CTNNA3: variants seen among roughly 807,000 people sequenced by gnomAD.
CTNNA3 encodes catenin alpha 3, also known as catenin alpha-3.
CTNNA3 carries 76 observed loss-of-function variants against 95.7 expected under a neutral mutation model. The observed-to-expected ratio is 0.79, with a 90% CI of 0.66 to 0.96. The LOEUF (loss-of-function observed/expected upper bound fraction) is 0.96, where lower values mean the gene tolerates loss of function less well. Among genes scored for constraint, CTNNA3 ranks in the 40% least tolerant of loss-of-function variants. The pLI is 0.00. For missense variants in CTNNA3, 1,191 were observed against 1,089.8 expected, an observed-to-expected ratio of 1.09 and a Z score of -1.31; for synonymous variants, 431 against 374.4, an observed-to-expected ratio of 1.15 and a Z score of -1.74.
intron 6 of CTNNA3, among the ~76,000 whole-genome samples, chr10:67,187,814 G>A (rs1862929897): frequency 6.6e-6 from 1 of 152,140 alleles, no homozygotes; most frequent in Non-Finnish European, 1.5e-5. Flanking sequence ...TCAAACTCCT[G>A]AGTTCAGGCA....
chr10:67,431,011 G>A (rs1846093952), intron 5 of CTNNA3, among the ~76,000 whole-genome samples: 1 of 151,900 alleles, frequency 6.6e-6, no homozygotes, highest in Non-Finnish European at 1.5e-5. Flanking sequence ...ACTTCAGATA[G>A]CTCCTTAAGT....
At chr10:67,471,166 G>T (rs1447939530) in intron 5 of CTNNA3, among the ~76,000 whole-genome samples, 2 of 152,030 alleles carry the variant, frequency 1.3e-5, no homozygotes, top group African/African-American at 4.8e-5. Context: ...TGTTGTGGGG[G>T]TTATCTTTTG....
At chr10:65,967,561 A>C (rs548204447) in intron 16 of CTNNA3, among the ~76,000 whole-genome samples, 1 of 152,176 alleles carries the variant, frequency 6.6e-6, no homozygotes, top group Non-Finnish European at 1.5e-5. Context: ...TTACAGACAA[A>C]GGAAATTATT....
intron 7 of CTNNA3, among the ~76,000 whole-genome samples, chr10:67,093,455 T>C (rs1254802459): frequency 6.6e-6 from 1 of 151,812 alleles, no homozygotes; most frequent in Non-Finnish European, 1.5e-5. Context: ...AGAGAGAGGT[T>C]ACTGTGAAAA....
chr10:66,784,043 C>G (rs565535581), intron 7 of CTNNA3, among the ~76,000 whole-genome samples: 3 of 152,098 alleles, frequency 2.0e-5, no homozygotes, highest in African/African-American at 7.2e-5. Flanking sequence ...TAGACTTCCA[C>G]GATTCTGGTT....
chr10:66,184,491 G>T (rs1418810643), intron 13 of CTNNA3, among the ~76,000 whole-genome samples: 3 of 152,060 alleles, frequency 2.0e-5, no homozygotes, highest in African/African-American at 7.2e-5. Context: ...CTAAGAAAGA[G>T]ATAAATCCCT....
chr10:66,841,321 T>C (rs960585484), intron 7 of CTNNA3, among the ~76,000 whole-genome samples: 1 of 152,180 alleles, frequency 6.6e-6, no homozygotes, highest in South Asian at 2.1e-4. Flanking sequence ...TATCTATTAA[T>C]TAAAACTCCA....
chr10:66,882,524 G>A (rs746879019), intron 7 of CTNNA3, among the ~76,000 whole-genome samples: 3 of 152,050 alleles, frequency 2.0e-5, no homozygotes, highest in Non-Finnish European at 2.9e-5. Flanking sequence ...ATGCATTGAC[G>A]GTTCTTACAG....
At chr10:66,662,508 C>G (rs1458458204) in intron 9 of CTNNA3, among the ~76,000 whole-genome samples, 1 of 152,088 alleles carries the variant, frequency 6.6e-6, no homozygotes, top group Non-Finnish European at 1.5e-5. Context: ...CTTTCATTAA[C>G]AAATAGAAGC....
At chr10:67,451,263 A>C (rs1430689695) in intron 5 of CTNNA3, among the ~76,000 whole-genome samples, 5 of 152,148 alleles carry the variant, frequency 3.3e-5, no homozygotes, top group African/African-American at 1.2e-4. Context: ...TCACAAGCCA[A>C]ATAAATATGT....
intron 13 of CTNNA3, among the ~76,000 whole-genome samples, chr10:66,258,906 A>T (rs2090891918): frequency 1.3e-5 from 2 of 152,232 alleles, no homozygotes; most frequent in Non-Finnish European, 1.5e-5. Flanking sequence ...GCGGAAAAAG[A>T]GAAGTGAAAA....
At chr10:67,131,870 G>C (rs912009792) in intron 7 of CTNNA3, among the ~76,000 whole-genome samples, 1 of 152,032 alleles carries the variant, frequency 6.6e-6, no homozygotes, top group African/African-American at 2.4e-5. Flanking sequence ...AGATCACAGT[G>C]GGCCTAATAC....
intron 9 of CTNNA3, among the ~76,000 whole-genome samples, chr10:66,652,119 A>G (rs1845930880): frequency 7.2e-6 from 1 of 137,956 alleles, no homozygotes; most frequent in Non-Finnish European, 1.6e-5. Flanking sequence ...AAAAAAAAAA[A>G]CTAAGCCCAA....
intron 9 of CTNNA3, among the ~76,000 whole-genome samples, chr10:66,646,657 G>GACTCC (rs1845717895): frequency 6.6e-6 from 1 of 152,114 alleles, no homozygotes; most frequent in African/African-American, 2.4e-5. Context: ...CCCTGATAGA[G>GACTCC]ACTCCACAAT....
intron 9 of CTNNA3, among the ~76,000 whole-genome samples, chr10:66,689,321 T>C (rs952619340): frequency 6.6e-6 from 1 of 152,174 alleles, no homozygotes; most frequent in Non-Finnish European, 1.5e-5. Flanking sequence ...GTCCTTTTAA[T>C]GAGTTTGTTG....
chr10:67,224,571 G>C (rs1864805807), intron 5 of CTNNA3, among the ~76,000 whole-genome samples: 1 of 152,168 alleles, frequency 6.6e-6, no homozygotes, highest in Admixed American at 6.5e-5. Context: ...GAAAGGGAGA[G>C]CCTCCTCTCC....
intron 6 of CTNNA3, among the ~76,000 whole-genome samples, chr10:67,185,287 C>G (rs1269341784): frequency 6.6e-6 from 1 of 151,988 alleles, no homozygotes; most frequent in African/African-American, 2.4e-5. Context: ...GTCACCACAT[C>G]CAGCTAATTT....
At chr10:66,689,157 A>C (rs2132529664) in intron 9 of CTNNA3, among the ~76,000 whole-genome samples, 1 of 152,174 alleles carries the variant, frequency 6.6e-6, no homozygotes, top group African/African-American at 2.4e-5. Flanking sequence ...AATTAGGAGA[A>C]CTTGGGGCAA....
chr10:67,475,927 T>A (rs1847991604), intron 5 of CTNNA3, among the ~76,000 whole-genome samples: 2 of 152,176 alleles, frequency 1.3e-5, no homozygotes, highest in South Asian at 4.1e-4. Context: ...AGTCTAGTAA[T>A]CATATATGAG....
Sources: allele counts gnomAD v4.1 joint callset (sites outside exome capture counted in the v4.1 genomes callset), GRCh38; gene constraint gnomAD v4.1.1; transcripts MANE v1.5; gene names NCBI Gene and HGNC (gene_info 2026-07-23, HGNC 2026-07-21).